Variants in KAZN observed in about 807,000 individuals in gnomAD.
KAZN encodes the protein kazrin, periplakin interacting protein, also known as kazrin.
KAZN carries 40 observed loss-of-function variants against 87.4 expected under a neutral mutation model. That is an observed-to-expected ratio of 0.46 (90% CI 0.36 to 0.60). The LOEUF is 0.60. Among genes scored for constraint, KAZN ranks in the 20% least tolerant of loss-of-function variants. KAZN has a pLI of 0.00. For missense variants in KAZN, 898 were observed against 1,073.9 expected (o/e 0.84, Z 2.29); for synonymous variants, 466 against 458.3 (o/e 1.02, Z -0.22).
intron 2 of KAZN, among the ~76,000 whole-genome samples, chr1:14,230,766 T>G (rs1213310029): frequency 6.6e-6 from 1 of 152,180 alleles, no homozygotes; most frequent in Admixed American, 6.5e-5. Context: ...GCCATATTTT[T>G]TCAGTAAGAA....
intron 1 of KAZN, among the ~76,000 whole-genome samples, chr1:14,067,980 C>G (rs1335099715): frequency 6.6e-6 from 1 of 152,170 alleles, no homozygotes; most frequent in Admixed American, 6.5e-5. Flanking sequence ...TGAATTGTGA[C>G]ACACTCATTC....
At chr1:14,466,750 C>T (rs191860357) in intron 2 of KAZN, among the ~76,000 whole-genome samples, 1,543 of 151,762 alleles carry the variant, frequency 0.01, 32 homozygotes, top group African/African-American at 0.036. Flanking sequence ...GGGCAGATCA[C>T]GAAGTCAGGA....
At chr1:14,595,048 G>A (rs1487959987), upstream of KAZN, among the ~76,000 whole-genome samples, 1 of 152,108 alleles carries the variant, frequency 6.6e-6, no homozygotes, top group East Asian at 1.9e-4. Flanking sequence ...GGGAGGCTGA[G>A]GCAGAGAATT....
At chr1:14,508,909 A>G (rs1399073786) in intron 2 of KAZN, among the ~76,000 whole-genome samples, 1 of 152,226 alleles carries the variant, frequency 6.6e-6, no homozygotes, top group East Asian at 1.9e-4. Context: ...GAAACTAGGA[A>G]GGGCATTTCT....
At chr1:14,625,505 A>G (rs1679068430) in intron 1 of KAZN, among the ~76,000 whole-genome samples, 1 of 152,228 alleles carries the variant, frequency 6.6e-6, no homozygotes, top group Admixed American at 6.5e-5. Flanking sequence ...ATATCCCAAA[A>G]AAGCCCCAAA....
chr1:14,941,772 G>A (rs1308710144), intron 1 of KAZN, among the ~76,000 whole-genome samples: 1 of 152,194 alleles, frequency 6.6e-6, no homozygotes, highest in African/African-American at 2.4e-5. Flanking sequence ...CATGGTCTTT[G>A]CTGAAATCCA....
intron 1 of KAZN, among the ~76,000 whole-genome samples, chr1:14,906,316 G>T (rs1479313116): frequency 1.3e-5 from 2 of 152,100 alleles, no homozygotes; most frequent in Non-Finnish European, 2.9e-5. Flanking sequence ...AGTATGCTAG[G>T]TGTTTTCTTT....
At chr1:14,286,411 A>C (rs575840161) in intron 2 of KAZN, among the ~76,000 whole-genome samples, 88 of 152,334 alleles carry the variant, frequency 5.8e-4, no homozygotes, top group Non-Finnish European at 1.1e-3. Context: ...CAGGACTTCA[A>C]GTGGCACTAA....
rs1215797750 is a variant in KAZN, at chr1:13,996,678, G to A, written c.91+102922G>A. Among the ~76,000 whole-genome samples, 7 of 152,344 alleles carry A rather than the reference G, an allele frequency of 4.6e-5. No homozygotes were observed. In the East Asian group the frequency reaches 9.7e-4, roughly 21 times the overall value. On this transcript the variant is annotated intron_variant, in intron 1 of 16. Transcript: ENST00000636203. Reference sequence around the variant, plus strand: ...AGGAACTCCAATAACTCCAGCCAAAGGCTCAGGGATAGAACTCAGGTCTCC... The same window carrying A: ...AGGAACTCCAATAACTCCAGCCAAAAGCTCAGGGATAGAACTCAGGTCTCC...
At chr1:14,079,506 A>G (rs1268563350) in intron 1 of KAZN, among the ~76,000 whole-genome samples, 1 of 152,198 alleles carries the variant, frequency 6.6e-6, no homozygotes, top group Non-Finnish European at 1.5e-5. Flanking sequence ...TGTTAACATC[A>G]CGTGTAGGAA....
chr1:14,396,103 G>C (rs1284447958), intron 2 of KAZN, among the ~76,000 whole-genome samples: 1 of 149,292 alleles, frequency 6.7e-6, no homozygotes, highest in Admixed American at 6.7e-5. Context: ...GGGAGGCAAA[G>C]GTTGCAGTGA....
At chr1:14,880,527 A>G (rs982767148) in intron 1 of KAZN, among the ~76,000 whole-genome samples, 12 of 152,170 alleles carry the variant, frequency 7.9e-5, no homozygotes, top group African/African-American at 2.9e-4. Context: ...TTTCTGTTCC[A>G]TGATGTTCAG....
chr1:14,310,693 G>A (rs1253179177), intron 2 of KAZN, among the ~76,000 whole-genome samples: 3 of 152,190 alleles, frequency 2.0e-5, no homozygotes, highest in South Asian at 2.1e-4. Flanking sequence ...TATGCAGAGC[G>A]TTTCGTCTGT....
At chr1:14,749,407 C>G (rs1435357154) in intron 1 of KAZN, among the ~76,000 whole-genome samples, 1 of 152,186 alleles carries the variant, frequency 6.6e-6, no homozygotes, top group Non-Finnish European at 1.5e-5. Flanking sequence ...TTTACTAGGC[C>G]AGGTGCTGAG....
chr1:14,872,993 A>T (rs2803395), intron 1 of KAZN, among the ~76,000 whole-genome samples: 66,083 of 128,674 alleles, frequency 0.51, 14,661 homozygotes, highest in South Asian at 0.54. Context: ...AACATATAGA[A>T]GGATACATGG....
intron 2 of KAZN, among the ~76,000 whole-genome samples, chr1:14,408,392 C>A (rs1664039420): frequency 6.6e-6 from 1 of 152,114 alleles, no homozygotes; most frequent in Non-Finnish European, 1.5e-5. Context: ...CACTGTAGAT[C>A]CCATAGATTC....
chr1:14,196,068 A>T (rs1244104318), intron 2 of KAZN, among the ~76,000 whole-genome samples: 2 of 152,196 alleles, frequency 1.3e-5, no homozygotes, highest in African/African-American at 4.8e-5. Context: ...AGACCATTTC[A>T]GAGACAAGGA....
In KAZN at chr1:14,057,413, G is replaced by C. The variant is rs536067050; in HGVS notation, c.92-123022G>C. On this transcript the variant is annotated intron_variant, in intron 1 of 16. Coordinates refer to the KAZN transcript ENST00000636203. The stretch of plus-strand genomic sequence containing the variant: ...CTCCCAAAGTGCTGGGATTATAGGC[G>C]TGAGCCACCATGCCCAGCTATGTTT... Among the ~76,000 whole-genome samples the C allele has an allele frequency of 7.2e-5, 11 of 152,272 alleles. No individual in the cohort carries two copies. The South Asian group carries it at 1.9e-3, about 26-fold the overall frequency.
intron 1 of KAZN, among the ~76,000 whole-genome samples, chr1:14,674,601 G>A (rs758095019): frequency 1.3e-4 from 20 of 152,178 alleles, no homozygotes; most frequent in Non-Finnish European, 2.4e-4. Context: ...CTTAAGCGGA[G>A]GACAAAGGCC....
Sources: gnomAD v4.1 joint callset for allele counts (sites outside exome capture counted in the v4.1 genomes callset) on GRCh38, gnomAD v4.1.1 for gene constraint, MANE v1.5 for transcripts, NCBI Gene and HGNC (gene_info 2026-07-23, HGNC 2026-07-21) for gene names.